Variants in DMD observed in about 807,000 individuals in gnomAD.
DMD encodes mutant dystrophin.
In DMD, 63 loss-of-function variants were observed where a neutral mutation model predicts 330.1. The observed-to-expected ratio is 0.19, with a 90% CI of 0.16 to 0.24. The LOEUF is 0.24. Among genes scored for constraint, DMD ranks in the 10% least tolerant of loss-of-function variants. DMD has a pLI of 1.00. For missense variants in DMD, 3,344 were observed against 2,684.1 expected (o/e 1.25, Z -5.43); for synonymous variants, 1,223 against 959.8 (o/e 1.27, Z -5.07).
At chrX:32,920,211 C>G (rs745353938) in intron 2 of DMD, among the ~76,000 whole-genome samples, 2 of 111,499 alleles carry the variant, frequency 1.8e-5, no homozygotes, top group Admixed American at 1.9e-4. Flanking sequence ...AACACAGTAT[C>G]TAACCCAAGT....
rs137918094 is a variant in DMD at position 31,989,957 on chromosome X, C to T, written c.6439-21443G>A. 3.5e-3 allele frequency among the ~76,000 whole-genome samples: 393 copies of T among 110,921 alleles called. 4 individuals carry two copies. Among genetic ancestry groups the T allele is most frequent in the African/African-American group, 0.012 (364 of 30,557 alleles). On this transcript the variant is annotated intron_variant, in intron 44 of 78. Transcript: ENST00000357033. ...AGGAAGTTTTGCAGCACTTGCTCCC[C>T]TCCCTCCCCTCCTCCTTTCGGAGTG... is the stretch of plus-strand genomic sequence containing the variant.
chrX:32,590,156 T>C (rs1165857082), intron 13 of DMD, among the ~76,000 whole-genome samples: 1 of 112,301 alleles, frequency 8.9e-6, no homozygotes, highest in Non-Finnish European at 1.9e-5. Flanking sequence ...AAAGTTGGTT[T>C]ACATGACTCA....
chrX:31,956,147 T>C (rs113081988), intron 45 of DMD, among the ~76,000 whole-genome samples: 3,682 of 111,291 alleles, frequency 0.033, 70 homozygotes, highest in Admixed American at 0.088. Context: ...AGAGAGCTGA[T>C]AGTCATCTTG....
At chrX:32,737,893 A>C (rs1055490730) in intron 7 of DMD, among the ~76,000 whole-genome samples, 7 of 112,167 alleles carry the variant, frequency 6.2e-5, no homozygotes, top group African/African-American at 2.3e-4. Flanking sequence ...CTCACAAAAA[A>C]TAAACTTATA....
At chrX:31,528,255 C>G (rs1041328751) in intron 55 of DMD, among the ~76,000 whole-genome samples, 1 of 107,843 alleles carries the variant, frequency 9.3e-6, no homozygotes, top group African/African-American at 3.4e-5. Flanking sequence ...GAACACTTTA[C>G]TATTATTTTT....
chrX:32,861,094 G>A (rs955935768), intron 2 of DMD, among the ~76,000 whole-genome samples: 27 of 111,766 alleles, frequency 2.4e-4, no homozygotes, highest in African/African-American at 8.1e-4. Context: ...TAACTTCTCC[G>A]TGCCTTACTC....
chrX:31,904,163 C>A (rs939780757), intron 47 of DMD, among the ~76,000 whole-genome samples: 9 of 111,206 alleles, frequency 8.1e-5, no homozygotes, highest in Admixed American at 7.7e-4. Context: ...TCCCCCAACC[C>A]CATGTACTTT....
At chrX:33,183,877 T>G (rs1416193413) in intron 1 of DMD, among the ~76,000 whole-genome samples, 1 of 111,763 alleles carries the variant, frequency 8.9e-6, no homozygotes, top group Non-Finnish European at 1.9e-5. Context: ...GTTTATAATC[T>G]GTCCTTCATT....
At chrX:32,649,344 G>A (rs1393203761) in intron 9 of DMD, among the ~76,000 whole-genome samples, 1 of 109,047 alleles carries the variant, frequency 9.2e-6, no homozygotes, top group Non-Finnish European at 1.9e-5. Context: ...CACGAGGTCA[G>A]GAGATCGAGA....
At chrX:31,396,004 T>TA (rs772093240) in intron 60 of DMD, among the ~76,000 whole-genome samples, 1 of 112,425 alleles carries the variant, frequency 8.9e-6, no homozygotes, top group Admixed American at 9.4e-5. Flanking sequence ...GTCCTTTAGC[T>TA]ATTACTGTTG....
At chrX:32,068,549 T>G (rs1018328926) in intron 44 of DMD, among the ~76,000 whole-genome samples, 1 of 110,486 alleles carries the variant, frequency 9.1e-6, no homozygotes. Context: ...GTTGACTTTG[T>G]CGACGAACAG....
chrX:32,192,992 A>C (rs933194476), intron 44 of DMD, among the ~76,000 whole-genome samples: 3 of 111,956 alleles, frequency 2.7e-5, no homozygotes, highest in African/African-American at 9.7e-5. Flanking sequence ...TGGATTTCTC[A>C]TGAATGGTTT....
chrX:31,178,432 GT>G lies in DMD; in HGVS notation c.10223+236del, dbSNP rs11333372. 208,868 of 702,803 alleles carry G rather than the reference GT, an allele frequency of 0.3. 6,358 individuals are homozygous for G. The highest frequency in any genetic ancestry group is 0.39 in the East Asian group (5,776 of 14,652). 57.9% of individuals were successfully genotyped at this position (702,803 alleles called of 1,213,427 possible). ...CAATTAGTGGCTGTATTGTGTTGTG[GT>G]TTTTTTTTTTTTTTCCCCCTGTGAG... On this transcript the variant is annotated intron_variant, in intron 70 of 78. Coordinates refer to ENST00000357033, the MANE Select transcript of DMD (RefSeq NM_004006.3).
chrX:32,389,010 G>T (rs1160324798), intron 32 of DMD, among the ~76,000 whole-genome samples: 2 of 111,572 alleles, frequency 1.8e-5, no homozygotes, highest in African/African-American at 3.2e-5. Flanking sequence ...TTAAAGGAAA[G>T]TTATTAAAGT....
intron 2 of DMD, among the ~76,000 whole-genome samples, chrX:33,014,720 TAAG>T (rs779142188): frequency 5.9e-4 from 66 of 111,115 alleles, no homozygotes; most frequent in African/African-American, 1.9e-3. Flanking sequence ...TAGAAGTAAA[TAAG>T]AAGGAGAGAT....
chrX:32,660,778 T>C (rs2060894607), intron 9 of DMD, among the ~76,000 whole-genome samples: 1 of 111,749 alleles, frequency 8.9e-6, no homozygotes, highest in Admixed American at 9.5e-5. Flanking sequence ...TTTTCAAAAA[T>C]AAAGTACATA....
chrX:32,903,162 A>G (rs1332735532), intron 2 of DMD, among the ~76,000 whole-genome samples: 5 of 100,117 alleles, frequency 5.0e-5, no homozygotes, highest in Non-Finnish European at 1.0e-4. Context: ...AAAAAAAAAA[A>G]AAAGAAACTA....
intron 78 of DMD, among the ~76,000 whole-genome samples, chrX:31,125,851 G>A (rs2033581752): frequency 8.9e-6 from 1 of 111,857 alleles, no homozygotes; most frequent in Non-Finnish European, 1.9e-5. Context: ...ATTGGTTATT[G>A]TTCTGTGTGG....
chrX:31,844,487 T>C (rs1362898314), intron 48 of DMD, among the ~76,000 whole-genome samples: 1 of 111,413 alleles, frequency 9.0e-6, no homozygotes. Context: ...TCTTTTCACT[T>C]AGCATTGTTT....
Sources: allele counts gnomAD v4.1 joint callset (sites outside exome capture counted in the v4.1 genomes callset), GRCh38; gene constraint gnomAD v4.1.1; transcripts MANE v1.5; gene names NCBI Gene and HGNC (gene_info 2026-07-23, HGNC 2026-07-21).